Variants in EPHA5 observed in about 807,000 individuals in gnomAD.
EPHA5 encodes the protein EPH receptor A5, also known as ephrin type-A receptor 5.
EPHA5 carries 60 observed loss-of-function variants against 105.0 expected under a neutral mutation model. The observed-to-expected ratio is 0.57, with a 90% CI of 0.46 to 0.71. The LOEUF is 0.71. EPHA5 is among the 30% of genes least tolerant of loss of function. The probability of loss-of-function intolerance (pLI) is 0.00; values close to 1 mark genes in which losing one functional copy is unlikely to be tolerated. For missense variants in EPHA5, 1,218 were observed against 1,274.7 expected (o/e 0.96, Z 0.68); for synonymous variants, 513 against 449.1 (o/e 1.14, Z -1.80).
At chr4:65,656,431 C>T (rs567871698) in intron 1 of EPHA5, among the ~76,000 whole-genome samples, 33 of 151,260 alleles carry the variant, frequency 2.2e-4, no homozygotes, top group African/African-American at 8.0e-4. Flanking sequence ...GTGAGATTTT[C>T]TTGATACGAG....
chr4:65,543,945 A>G (rs2149326848), intron 3 of EPHA5, among the ~76,000 whole-genome samples: 1 of 152,236 alleles, frequency 6.6e-6, no homozygotes, highest in African/African-American at 2.4e-5. Flanking sequence ...CTAATCTTCA[A>G]CAAACCTGAC....
Position 65,618,178 on chromosome 4 carries a change from T to C in EPHA5, c.247-15874A>G, listed in dbSNP as rs78485843. Among the ~76,000 whole-genome samples, 1,338 of 152,246 alleles carry C rather than the reference T, an allele frequency of 8.8e-3. 9 individuals carry two copies. The highest frequency in any genetic ancestry group is 0.017 in the Middle Eastern group (5 of 294). On this transcript the variant is annotated intron_variant, in intron 2 of 16. Transcript: ENST00000613740. Reference sequence around the variant, plus strand: ...CAGAGAAGGAGAACAAGAGCCCCAATGACCTCAGTTAACACATGCCAATTC... The same window carrying C: ...CAGAGAAGGAGAACAAGAGCCCCAACGACCTCAGTTAACACATGCCAATTC...
intron 1 of EPHA5, among the ~76,000 whole-genome samples, chr4:65,666,065 T>C (rs536693109): frequency 6.6e-6 from 1 of 152,354 alleles, no homozygotes; most frequent in Admixed American, 6.5e-5. Context: ...TGGGCCTGGT[T>C]CTATTATAAG....
At chr4:65,537,226 T>C (rs1736374326) in intron 3 of EPHA5, among the ~76,000 whole-genome samples, 1 of 151,854 alleles carries the variant, frequency 6.6e-6, no homozygotes, top group Non-Finnish European at 1.5e-5. Flanking sequence ...CAACTGAGCT[T>C]GTCTTTACAT....
chr4:65,600,044 C>T (rs1324036937), intron 3 of EPHA5, among the ~76,000 whole-genome samples: 1 of 151,868 alleles, frequency 6.6e-6, no homozygotes, highest in African/African-American at 2.4e-5. Flanking sequence ...AAACAAACAA[C>T]CAAATAGAGT....
At chr4:65,631,722 AAAAC>A (rs1746646860) in intron 2 of EPHA5, among the ~76,000 whole-genome samples, 1 of 87,672 alleles carries the variant, frequency 1.1e-5, no homozygotes, top group Non-Finnish European at 3.3e-5. Context: ...CATGTACCCT[AAAAC>A]TTAAAGTATA....
In EPHA5 at chr4:65,589,207, G is replaced by A. The variant is rs189781661; in HGVS notation, c.910+12434C>T. Reference sequence around the variant, plus strand: ...TATGAAGGAAATCCAACTAAAACTCGATTTCTTTGAGTGTTATTTGGTTAA... The same window carrying A: ...TATGAAGGAAATCCAACTAAAACTCAATTTCTTTGAGTGTTATTTGGTTAA... On this transcript the variant is annotated intron_variant, in intron 3 of 16. Transcript: ENST00000613740. Among the ~76,000 whole-genome samples, 12 of 151,966 alleles carry A rather than the reference G, an allele frequency of 7.9e-5. No individual in the cohort carries two copies. In the East Asian group the frequency reaches 1.9e-3, roughly 25 times the overall value.
At chr4:65,487,627 G>A (rs924680332) in intron 5 of EPHA5, among the ~76,000 whole-genome samples, 2 of 152,068 alleles carry the variant, frequency 1.3e-5, no homozygotes, top group South Asian at 2.1e-4. Flanking sequence ...TGGTCTTGTA[G>A]CCCTCACCCG....
chr4:65,409,704 C>T (rs116113214), intron 7 of EPHA5, among the ~76,000 whole-genome samples: 3,991 of 152,172 alleles, frequency 0.026, 61 homozygotes, highest in Admixed American at 0.06. Flanking sequence ...CTTTCTTAAT[C>T]AGGGTAACTT....
chr4:65,661,506 C>T (rs928796253), intron 1 of EPHA5, among the ~76,000 whole-genome samples: 1 of 152,148 alleles, frequency 6.6e-6, no homozygotes, highest in African/African-American at 2.4e-5. Context: ...AGAAGTCTGG[C>T]TGTATCCCCC....
intron 5 of EPHA5, among the ~76,000 whole-genome samples, chr4:65,445,821 A>C (rs1052176114): frequency 7.2e-5 from 11 of 152,208 alleles, no homozygotes; most frequent in Non-Finnish European, 2.9e-5. Context: ...TCAGGAGCAA[A>C]GCTAACAATT....
intron 3 of EPHA5, among the ~76,000 whole-genome samples, chr4:65,597,195 C>T (rs1490727968): frequency 6.6e-6 from 1 of 152,124 alleles, no homozygotes. Flanking sequence ...TTGGCAGTGA[C>T]CCACAATCTA....
At chr4:65,444,726 A>T (rs1726347062) in intron 5 of EPHA5, among the ~76,000 whole-genome samples, 1 of 152,078 alleles carries the variant, frequency 6.6e-6, no homozygotes, top group Non-Finnish European at 1.5e-5. Flanking sequence ...TTTCTTTGGT[A>T]GTTCTTCTGT....
At chr4:65,496,564 A>C (rs1481072180) in intron 3 of EPHA5, among the ~76,000 whole-genome samples, 3 of 151,414 alleles carry the variant, frequency 2.0e-5, no homozygotes, top group Non-Finnish European at 2.9e-5. Flanking sequence ...TGAACTCATC[A>C]TTTTTTATGG....
At chr4:65,597,084 T>A (rs1023395011) in intron 3 of EPHA5, among the ~76,000 whole-genome samples, 1 of 152,200 alleles carries the variant, frequency 6.6e-6, no homozygotes, top group Non-Finnish European at 1.5e-5. Flanking sequence ...ATCTCCCAGT[T>A]GGACAATTAA....
Position 65,650,217 on chromosome 4 carries a change from C to A in EPHA5, c.182-6790G>T, listed in dbSNP as rs181727431. Among the ~76,000 whole-genome samples the A allele has an allele frequency of 9.3e-4, 141 of 152,138 alleles. 1 individual carries two copies. Among genetic ancestry groups the A allele is most frequent in the Admixed American group, 8.8e-3 (135 of 15,276 alleles). On this transcript the variant is annotated intron_variant, in intron 1 of 16. Coordinates refer to ENST00000613740, the MANE Select transcript of EPHA5 (RefSeq NM_001281766.3). ...CAGAAGTAAAAATAAAAATTGTGCTCCCATGTTCCCTAGTTCAACGAGTGC... is the reference window on the plus strand; with the variant it reads ...CAGAAGTAAAAATAAAAATTGTGCTACCATGTTCCCTAGTTCAACGAGTGC...
chr4:65,415,041 T>A (rs1560512607), intron 6 of EPHA5, among the ~76,000 whole-genome samples: 1 of 152,212 alleles, frequency 6.6e-6, no homozygotes, highest in Non-Finnish European at 1.5e-5. Flanking sequence ...GAAAATGTCC[T>A]GATTTGGAGG....
chr4:65,539,135 T>A (rs1044341878), intron 3 of EPHA5, among the ~76,000 whole-genome samples: 1 of 151,526 alleles, frequency 6.6e-6, no homozygotes, highest in Non-Finnish European at 1.5e-5. Context: ...CAACTGTAGG[T>A]GGAGAGGCAT....
intron 3 of EPHA5, among the ~76,000 whole-genome samples, chr4:65,523,397 C>T (rs1407130538): frequency 2.6e-5 from 4 of 151,956 alleles, no homozygotes; most frequent in South Asian, 2.1e-4. Context: ...TTTCATCTCT[C>T]TTTGCTAATG....
Sources: allele counts gnomAD v4.1 joint callset (sites outside exome capture counted in the v4.1 genomes callset), GRCh38; gene constraint gnomAD v4.1.1; transcripts MANE v1.5; gene names NCBI Gene and HGNC (gene_info 2026-07-23, HGNC 2026-07-21).